The following WFDC5 variants were observed in gnomAD, a reference collection of about 807,000 sequenced individuals.
The protein encoded by WFDC5 is WAP four-disulfide core domain protein 5.
WFDC5 carries 15 observed loss-of-function variants against 15.7 expected under a neutral mutation model. That is an observed-to-expected ratio of 0.96 (90% CI 0.64 to 1.47). The LOEUF is 1.47. WFDC5 is among the 40% of genes most tolerant of loss of function. The probability of loss-of-function intolerance (pLI) is 0.00; values close to 1 mark genes in which losing one functional copy is unlikely to be tolerated. For missense variants in WFDC5, 280 were observed against 258.0 expected (o/e 1.09, Z -0.59); for synonymous variants, 109 against 107.7 (o/e 1.01, Z -0.07).
upstream of WFDC5, chr20:45,115,193 C>T: frequency 9.9e-7 from 1 of 1,007,986 alleles, no homozygotes; most frequent in Non-Finnish European, 1.4e-6. Flanking sequence ...TGGAGTGACA[C>T]CGTGCCTGCT....
chr20:45,115,322 G>A (rs895952596), upstream of WFDC5: 2 of 519,302 alleles, frequency 3.9e-6, no homozygotes, highest in Non-Finnish European at 6.9e-6. Context: ...AGTCTTGCCT[G>A]TATCGGTGAC....
At chr20:45,110,135 C>A in intron 3 of WFDC5, 122 bp from the exon 4 acceptor site, 1 of 1,414,152 alleles carries the variant, frequency 7.1e-7, no homozygotes, top group Non-Finnish European at 9.5e-7. Flanking sequence ...GATTCCTCTG[C>A]CCCCTTCAAA....
rs761764747 is a variant in WFDC5, at chr20:45,109,943, C to G, written c.464G>C (p.Arg155Thr). The change falls in exon 4 of 4, where the codon AGG (arginine) becomes ACG (threonine). Residue 155 changes from arginine (R) to threonine (T), a missense_variant. Physicochemically the swap from Arg to Thr is moderately conservative, Grantham distance 71. Coordinates refer to ENST00000307971, the Ensembl canonical transcript of WFDC5. ...CTGTCCAGCGGGCAGGGCCCCAGGC[C>G]TCCCATCGTGAACTCTTTCCGTTGG... 2.5e-6 allele frequency: 4 copies of G among 1,611,988 alleles called. No homozygotes were observed. The South Asian group carries it at 4.4e-5, about 18-fold the overall frequency.
rs372761924 is a variant in WFDC5 at position 45,114,541 on chromosome 20, G to T, written c.85+458C>A. Among the ~76,000 whole-genome samples the T allele has an allele frequency of 1.2e-4, 18 of 151,962 alleles. 1 individual carries two copies. The East Asian group carries it at 1.4e-3, about 11-fold the overall frequency. On this transcript the variant is annotated intron_variant, in intron 1 of 3. Transcript: ENST00000307971. ...ACCACAGCCCAGCAGGCACAGACAGGGTCCCTCCCCACACCTGAAGGCACA... is the reference window on the plus strand; with the variant it reads ...ACCACAGCCCAGCAGGCACAGACAGTGTCCCTCCCCACACCTGAAGGCACA...
At chr20:45,110,660 G>A (rs762134153) in exon 2 of WFDC5, 9 of 1,614,086 alleles carry the variant, frequency 5.6e-6, no homozygotes, top group Non-Finnish European at 7.6e-6. Flanking sequence ...CACACTGGCG[G>A]AAGCAAGCTC....
At chr20:45,109,765 G>A in exon 4 of WFDC5, 1 of 720,276 alleles carries the variant, frequency 1.4e-6, no homozygotes, top group East Asian at 2.7e-5. Context: ...TGGCAGTGGT[G>A]CAGAGTACTG....
intron 1 of WFDC5, among the ~76,000 whole-genome samples, chr20:45,113,153 T>C (rs1981667245): frequency 6.6e-6 from 1 of 152,230 alleles, no homozygotes; most frequent in Admixed American, 6.5e-5. Flanking sequence ...ACTTGCTGTT[T>C]ATCAGGGACT....
chr20:45,110,793 A>C lies in WFDC5; in HGVS notation c.86-18T>G, dbSNP rs571476640. The C allele has an allele frequency of 6.2e-7, 1 of 1,613,192 alleles. No individual in the cohort carries two copies. Among genetic ancestry groups the C allele is most frequent in the East Asian group, 2.2e-5 (1 of 44,894 alleles). Reference sequence around the variant, plus strand: ...CGATTTCTCTGTAAGAGAATCTCCTAATATTGCAGCTGGAGGAAGCTCACG... The same window carrying C: ...CGATTTCTCTGTAAGAGAATCTCCTCATATTGCAGCTGGAGGAAGCTCACG... On this transcript the variant is annotated intron_variant, in intron 1 of 3. Coordinates refer to ENST00000307971, the Ensembl canonical transcript of WFDC5.
At chr20:45,110,880 CCTGT>C in intron 1 of WFDC5, 105 bp from the exon 2 acceptor site, 1 of 1,483,240 alleles carries the variant, frequency 6.7e-7, no homozygotes, top group Non-Finnish European at 9.1e-7. Flanking sequence ...TTGCTTTTTG[CCTGT>C]CTTTTGGCTA....
intron 1 of WFDC5, among the ~76,000 whole-genome samples, chr20:45,114,746 C>T (rs1025752335): frequency 1.3e-5 from 2 of 151,908 alleles, no homozygotes; most frequent in Admixed American, 6.5e-5. Flanking sequence ...AGACAAGCAC[C>T]GAGAAACTGG....
At chr20:45,109,611 T>G (rs1372883876) in exon 4 of WFDC5, 7 of 627,028 alleles carry the variant, frequency 1.1e-5, no homozygotes, top group Non-Finnish European at 2.1e-5. Flanking sequence ...GACTGATGTT[T>G]GGAAAACTCT....
rs750840472 is a variant in WFDC5 at position 45,109,951 on chromosome 20, G to C, written c.456C>G (p.His152Gln). 3 of 1,613,276 alleles carry C rather than the reference G, an allele frequency of 1.9e-6. No individual in the cohort carries two copies. In the South Asian group the frequency reaches 3.3e-5, roughly 18 times the overall value. ...CGGGCAGGGCCCCAGGCCTCCCATC[G>C]TGAACTCTTTCCGTTGGTCCCCAGC... Residue 152 changes from histidine (H) to glutamine (Q), a missense_variant, in exon 4 of 4, where the codon CAC becomes CAG. His to Gln is a conservative substitution (Grantham distance 24, BLOSUM62 0). Transcript: ENST00000307971.
intron 1 of WFDC5, among the ~76,000 whole-genome samples, chr20:45,112,037 C>T (rs565591454): frequency 2.0e-5 from 3 of 152,190 alleles, no homozygotes; most frequent in Admixed American, 2.0e-4. Flanking sequence ...AAGTAGGCAC[C>T]TTGCTCACAT....
At chr20:45,110,364 G>A in intron 3 of WFDC5, 36 bp downstream of exon 3, 3 of 1,570,068 alleles carry the variant, frequency 1.9e-6, no homozygotes, top group Admixed American at 1.9e-5. Flanking sequence ...GGCTCGGAGA[G>A]GGGAGGCACC....
At chr20:45,115,455 C>T (rs1353196086), upstream of WFDC5, among the ~76,000 whole-genome samples, 2 of 152,102 alleles carry the variant, frequency 1.3e-5, no homozygotes, top group African/African-American at 4.8e-5. Context: ...GAAGCCCCAG[C>T]GATGTCTAGG....
At chr20:45,111,839 C>A (rs1443913156) in intron 1 of WFDC5, among the ~76,000 whole-genome samples, 2 of 152,176 alleles carry the variant, frequency 1.3e-5, no homozygotes, top group Non-Finnish European at 2.9e-5. Context: ...TCCCTCTGAC[C>A]TCTGTGAGTG....
intron 1 of WFDC5, among the ~76,000 whole-genome samples, chr20:45,114,606 T>TGCAGC (rs1176487764): frequency 1.3e-5 from 2 of 151,562 alleles, no homozygotes; most frequent in African/African-American, 4.9e-5. Context: ...GACACATGCG[T>TGCAGC]GCAGCCATTC....
intron 1 of WFDC5, among the ~76,000 whole-genome samples, chr20:45,112,152 G>C (rs1490950768): frequency 1.3e-5 from 2 of 152,108 alleles, no homozygotes; most frequent in Non-Finnish European, 2.9e-5. Context: ...GGGGGAAAAA[G>C]TGTGGGTTTG....
rs370402459 is a variant in WFDC5 at position 45,110,785 on chromosome 20, A to C, written c.86-10T>G. ...CAGCCCCCCGATTTCTCTGTAAGAGAATCTCCTAATATTGCAGCTGGAGGA... is the reference window on the plus strand; with the variant it reads ...CAGCCCCCCGATTTCTCTGTAAGAGCATCTCCTAATATTGCAGCTGGAGGA... On this transcript the variant is annotated splice_polypyrimidine_tract_variant and intron_variant, in intron 1 of 3. Coordinates refer to ENST00000307971, the Ensembl canonical transcript of WFDC5. 43 of 1,613,502 alleles carry C rather than the reference A, an allele frequency of 2.7e-5. No homozygotes were observed. Among genetic ancestry groups the C allele is most frequent in the Non-Finnish European group, 3.6e-5 (42 of 1,180,028 alleles).
Sources: allele counts gnomAD v4.1 joint callset (sites outside exome capture counted in the v4.1 genomes callset), GRCh38; gene constraint gnomAD v4.1.1; transcripts MANE v1.5; gene names NCBI Gene and HGNC (gene_info 2026-07-23, HGNC 2026-07-21).